Variants in FLT1 observed in about 807,000 individuals in gnomAD.
FLT1 encodes vascular endothelial growth factor receptor 1.
A neutral mutation model predicts 156.3 loss-of-function variants in FLT1; 49 were observed. That is an observed-to-expected ratio of 0.31 (90% CI 0.25 to 0.40). The LOEUF (loss-of-function observed/expected upper bound fraction) is 0.40. Ranked by LOEUF, FLT1 falls within the 10% of genes least tolerant of loss-of-function variation. The pLI, the probability that FLT1 is intolerant of heterozygous loss-of-function variation, is 1.00. For synonymous variants in FLT1, 594 were observed against 583.8 expected (o/e 1.02, Z -0.25); for missense variants, 1,322 against 1,637.2 (o/e 0.81, Z 3.32).
In FLT1 at chr13:28,302,417, T is replaced by C. The variant is rs1870551734; in HGVS notation, c.*750A>G. 4.3e-6 allele frequency: 1 copy of C among 233,216 alleles called. No individual in the cohort carries two copies. The highest frequency in any genetic ancestry group is 8.5e-6 in the Non-Finnish European group (1 of 118,078). The allele number at this position is 233,216 out of a possible 1,614,324, so 14.4% of individuals were successfully genotyped here. On this transcript the variant is annotated 3_prime_UTR_variant, in exon 30 of 30. Coordinates refer to ENST00000282397, the MANE Select transcript of FLT1 (RefSeq NM_002019.4). ...AACATGCCACGAATGAGAATGGACA[T>C]AGAACCACTTCCATAGGTAAAGTTC...
chr13:28,447,255 T>C (rs867234361), intron 3 of FLT1, among the ~76,000 whole-genome samples: 1 of 151,554 alleles, frequency 6.6e-6, no homozygotes, highest in African/African-American at 2.4e-5. Flanking sequence ...CATGGCTCAC[T>C]GCAGCTTCAA....
chr13:28,402,268 C>T (rs1219536605), intron 11 of FLT1, among the ~76,000 whole-genome samples: 6 of 152,310 alleles, frequency 3.9e-5, no homozygotes, highest in Admixed American at 3.9e-4. Context: ...ATAAAGGGAT[C>T]ACCGCAGTCT....
chr13:28,315,288 C>A (rs1871153370), intron 25 of FLT1, among the ~76,000 whole-genome samples: 1 of 152,246 alleles, frequency 6.6e-6, no homozygotes. Context: ...GGCATGGAGG[C>A]TCACGCCTGT....
At chr13:28,347,053 CA>C (rs754927143) in intron 15 of FLT1, among the ~76,000 whole-genome samples, 85 of 152,220 alleles carry the variant, frequency 5.6e-4, no homozygotes, top group Admixed American at 1.1e-3. Flanking sequence ...AGACTTAAGG[CA>C]AATACAAAGA....
At chr13:28,429,595 A>G (rs953047123) in intron 8 of FLT1, among the ~76,000 whole-genome samples, 2 of 152,122 alleles carry the variant, frequency 1.3e-5, no homozygotes, top group African/African-American at 4.8e-5. Flanking sequence ...GTCTCTATTA[A>G]TGTTTGTTTA....
intron 3 of FLT1, among the ~76,000 whole-genome samples, chr13:28,464,043 G>A (rs534524043): frequency 6.6e-6 from 1 of 152,156 alleles, no homozygotes; most frequent in South Asian, 2.1e-4. Context: ...AGATTCAGAA[G>A]GCTCTTCTAT....
At chr13:28,404,052 A>AG (rs1454630148) in intron 11 of FLT1, among the ~76,000 whole-genome samples, 19 of 152,072 alleles carry the variant, frequency 1.2e-4, no homozygotes, top group African/African-American at 3.9e-4. Context: ...TCAAAAAAAA[A>AG]AAAAAGAAAG....
intron 1 of FLT1, among the ~76,000 whole-genome samples, chr13:28,476,186 C>T (rs184679561): frequency 9.7e-4 from 148 of 152,194 alleles, no homozygotes; most frequent in African/African-American, 3.4e-3. Flanking sequence ...TCCATGAGAA[C>T]GTCAAGTTTG....
chr13:28,413,955 G>A (rs1285723967), intron 10 of FLT1, among the ~76,000 whole-genome samples: 1 of 152,200 alleles, frequency 6.6e-6, no homozygotes, highest in Admixed American at 6.5e-5. Flanking sequence ...ATTGCTCAGA[G>A]GGCTTACCAG....
chr13:28,339,964 C>T (rs750501788), intron 16 of FLT1, among the ~76,000 whole-genome samples: 7 of 152,132 alleles, frequency 4.6e-5, no homozygotes, highest in African/African-American at 1.4e-4. Flanking sequence ...CCTGTAATCC[C>T]AGCACTTTAA....
intron 28 of FLT1, 90 bp downstream of exon 28, chr13:28,308,753 G>A: frequency 1.2e-6 from 1 of 834,520 alleles, no homozygotes. Flanking sequence ...CACTGACCAA[G>A]AACTACTACA....
chr13:28,399,083 A>G (rs1254908651), intron 11 of FLT1: 4 of 1,551,266 alleles, frequency 2.6e-6, no homozygotes, highest in Non-Finnish European at 3.5e-6. Context: ...AGAAGCTTGT[A>G]GGTGGCAACA....
chr13:28,397,210 C>A, intron 11 of FLT1, 142 bp from the exon 12 acceptor site: 1 of 658,396 alleles, frequency 1.5e-6, no homozygotes, highest in Non-Finnish European at 2.7e-6. Context: ...TACCAGAAGG[C>A]TCTCCCCTTG....
chr13:28,303,851 A>G (rs992487094), intron 29 of FLT1, among the ~76,000 whole-genome samples: 17 of 152,170 alleles, frequency 1.1e-4, no homozygotes, highest in Admixed American at 1.1e-3. Flanking sequence ...TCAAAAAACA[A>G]TAAAGCTCCA....
chr13:28,336,232 C>T (rs967869036), intron 17 of FLT1, among the ~76,000 whole-genome samples: 15 of 152,180 alleles, frequency 9.9e-5, no homozygotes, highest in African/African-American at 2.7e-4. Flanking sequence ...TAAACTGGCT[C>T]TCATTTGGCT....
chr13:28,477,272 A>G (rs1373941215), intron 1 of FLT1, among the ~76,000 whole-genome samples: 1 of 152,124 alleles, frequency 6.6e-6, no homozygotes, highest in Non-Finnish European at 1.5e-5. Flanking sequence ...TACCCTTCCA[A>G]TGACCTATAG....
chr13:28,347,334 C>T (rs2138861331), intron 15 of FLT1, among the ~76,000 whole-genome samples: 1 of 151,772 alleles, frequency 6.6e-6, no homozygotes, highest in Middle Eastern at 3.4e-3. Flanking sequence ...ACCAGCCTGG[C>T]CAACATGGTA....
At chr13:28,338,420 G>A (rs894241384) in intron 17 of FLT1, among the ~76,000 whole-genome samples, 4 of 152,160 alleles carry the variant, frequency 2.6e-5, no homozygotes. Context: ...AGTAATTGAG[G>A]TTCCAATTGT....
intron 1 of FLT1, among the ~76,000 whole-genome samples, chr13:28,473,702 G>A (rs28875319): frequency 1.9e-3 from 110 of 57,830 alleles, no homozygotes; most frequent in African/African-American, 5.1e-3. Context: ...AGAAAGAAAA[G>A]AAAGAAAGAA....
Sources: gnomAD v4.1 joint callset for allele counts (sites outside exome capture counted in the v4.1 genomes callset) on GRCh38, gnomAD v4.1.1 for gene constraint, MANE v1.5 for transcripts, NCBI Gene and HGNC (gene_info 2026-07-23, HGNC 2026-07-21) for gene names.